SLX4IP: variants seen among roughly 807,000 people sequenced by gnomAD.
SLX4IP encodes SLX4 interacting protein, also known as protein SLX4IP.
SLX4IP carries 34 observed loss-of-function variants against 32.9 expected under a neutral mutation model. The observed-to-expected ratio is 1.03, with a 90% CI of 0.79 to 1.38. SLX4IP has a LOEUF of 1.38. SLX4IP is among the 40% of genes most tolerant of loss of function. The pLI is 0.00. For missense variants in SLX4IP, 444 were observed against 479.0 expected, an observed-to-expected ratio of 0.93 and a Z score of 0.68; for synonymous variants, 172 against 171.7, an observed-to-expected ratio of 1.00 and a Z score of -0.01.
chr20:10,597,172 A>G (rs2066780462), intron 4 of SLX4IP, among the ~76,000 whole-genome samples: 1 of 152,238 alleles, frequency 6.6e-6, no homozygotes, highest in Non-Finnish European at 1.5e-5. Flanking sequence ...TATATAAGTT[A>G]TTTCAGACCA....
intron 5 of SLX4IP, 121 bp downstream of exon 5, chr20:10,598,873 T>G: frequency 1.0e-6 from 1 of 991,914 alleles, no homozygotes; most frequent in East Asian, 2.5e-5. Flanking sequence ...ATGTCTTGAG[T>G]GTGTCCGAAA....
At chr20:10,553,952 T>G (rs2066243270) in intron 2 of SLX4IP, among the ~76,000 whole-genome samples, 1 of 152,208 alleles carries the variant, frequency 6.6e-6, no homozygotes, top group African/African-American at 2.4e-5. Context: ...TTTAAATAAC[T>G]GCCAACAAGT....
chr20:10,468,510 A>G lies in SLX4IP; in HGVS notation c.27+10279A>G, dbSNP rs138601142. Among the ~76,000 whole-genome samples, 688 of 152,246 alleles carry G rather than the reference A, an allele frequency of 4.5e-3. 3 individuals carry two copies. Among genetic ancestry groups the G allele is most frequent in the Non-Finnish European group, 8.0e-3 (543 of 67,998 alleles). On this transcript the variant is annotated intron_variant, in intron 2 of 7. Transcript: ENST00000334534. ...TCCCCTTCCTTTTTAACTTGGACCC[A>G]TGTTTGTTTTCATCTTGGAACTGGG...
intron 2 of SLX4IP, among the ~76,000 whole-genome samples, chr20:10,489,343 C>A (rs866738718): frequency 6.6e-6 from 1 of 152,146 alleles, no homozygotes; most frequent in Admixed American, 6.5e-5. Context: ...AGTTATCTTT[C>A]CCTACAAAAT....
chr20:10,603,620 C>T (rs569783181), intron 6 of SLX4IP, among the ~76,000 whole-genome samples: 1 of 152,272 alleles, frequency 6.6e-6, no homozygotes, highest in East Asian at 1.9e-4. Context: ...TCTTCAGTTG[C>T]TCATTTACTC....
intron 4 of SLX4IP, among the ~76,000 whole-genome samples, chr20:10,579,569 G>T (rs2066560621): frequency 6.6e-6 from 1 of 152,016 alleles, no homozygotes; most frequent in South Asian, 2.1e-4. Flanking sequence ...TGGGATTAAG[G>T]CATCCGCCAC....
At chr20:10,606,308 T>A (rs2066904963) in intron 6 of SLX4IP, among the ~76,000 whole-genome samples, 1 of 152,220 alleles carries the variant, frequency 6.6e-6, no homozygotes, top group Non-Finnish European at 1.5e-5. Context: ...CATTTGACTG[T>A]GCACTGATGT....
intron 1 of SLX4IP, among the ~76,000 whole-genome samples, chr20:10,444,694 C>A (rs1019878757): frequency 1.3e-5 from 2 of 152,030 alleles, no homozygotes; most frequent in African/African-American, 4.8e-5. Flanking sequence ...CTTTCTGCTT[C>A]GAAGATGATA....
At chr20:10,620,984 G>A (rs1014699487) in intron 6 of SLX4IP, among the ~76,000 whole-genome samples, 18 of 152,214 alleles carry the variant, frequency 1.2e-4, no homozygotes, top group African/African-American at 4.3e-4. Flanking sequence ...CCACACAGTA[G>A]GATTCTGGGG....
intron 2 of SLX4IP, among the ~76,000 whole-genome samples, chr20:10,510,018 C>T (rs909544217): frequency 2.0e-5 from 3 of 152,106 alleles, no homozygotes; most frequent in Non-Finnish European, 2.9e-5. Flanking sequence ...GAATATTATG[C>T]AGCTATTAAC....
At chr20:10,591,380 C>T (rs989030765) in intron 4 of SLX4IP, among the ~76,000 whole-genome samples, 6 of 152,188 alleles carry the variant, frequency 3.9e-5, no homozygotes, top group African/African-American at 1.4e-4. Context: ...AACTCTCTTT[C>T]TCATTGCACA....
intron 3 of SLX4IP, among the ~76,000 whole-genome samples, chr20:10,558,422 A>C (rs1490894802): frequency 6.6e-6 from 1 of 151,954 alleles, no homozygotes; most frequent in Non-Finnish European, 1.5e-5. Context: ...AAAGGAGAAA[A>C]GCTAGTTGAA....
Position 10,623,180 on chromosome 20 carries a change from G to C in SLX4IP, c.1028G>C (p.Gly343Ala). ...CCAGCTTCAGAGTTGTCAGATCCAG[G>C]GTTACTTTTGAAACAAGATTTGGCA... ...VLPASELSDP[G>A]LLLKQDLAKT... Residue 343 changes from glycine to alanine, a missense_variant, in exon 8 of 8, where the codon GGG (glycine) becomes GCG (alanine). Physicochemically the swap from Gly to Ala is moderately conservative, Grantham distance 60 (BLOSUM62 0). Coordinates refer to ENST00000334534, the MANE Select transcript of SLX4IP (RefSeq NM_001009608.3). The C allele has an allele frequency of 1.2e-6, 2 of 1,614,134 alleles. No individual in the cohort carries two copies. Among genetic ancestry groups the C allele is most frequent in the Non-Finnish European group, 8.5e-7 (1 of 1,180,034 alleles).
rs550997417 is a variant in SLX4IP, at chr20:10,463,003, T to G, written c.27+4772T>G. Among the ~76,000 whole-genome samples, 12 of 152,318 alleles carry G rather than the reference T, an allele frequency of 7.9e-5. No homozygotes were observed. The East Asian group carries it at 2.1e-3, about 27-fold the overall frequency. ...GGGAGGCTGAGGCAGAAGATTTGCT[T>G]GAGCCCAGGAGTTTGAGTTCAGCCT... On this transcript the variant is annotated intron_variant, in intron 2 of 7. Transcript: ENST00000334534.
At chr20:10,545,554 C>A (rs1188343925) in intron 2 of SLX4IP, among the ~76,000 whole-genome samples, 1 of 152,124 alleles carries the variant, frequency 6.6e-6, no homozygotes, top group Non-Finnish European at 1.5e-5. Flanking sequence ...TAAATGACAG[C>A]TGGATTGAGC....
intron 2 of SLX4IP, among the ~76,000 whole-genome samples, chr20:10,547,847 C>G (rs1163962288): frequency 6.6e-6 from 1 of 152,182 alleles, no homozygotes; most frequent in African/African-American, 2.4e-5. Context: ...AGACCCAGTA[C>G]TAGACATTGA....
intron 2 of SLX4IP, among the ~76,000 whole-genome samples, chr20:10,465,247 T>C (rs1223940571): frequency 1.3e-5 from 2 of 152,140 alleles, no homozygotes; most frequent in Non-Finnish European, 2.9e-5. Context: ...ATAAACTCTT[T>C]AGGGTAGGGA....
intron 4 of SLX4IP, among the ~76,000 whole-genome samples, chr20:10,565,682 T>C (rs987190222): frequency 2.6e-5 from 4 of 152,244 alleles, no homozygotes; most frequent in Non-Finnish European, 4.4e-5. Context: ...CAATTTTGAG[T>C]GGGTGGACAC....
chr20:10,542,945 A>T (rs1210531747), intron 2 of SLX4IP, among the ~76,000 whole-genome samples: 1 of 152,196 alleles, frequency 6.6e-6, no homozygotes, highest in Non-Finnish European at 1.5e-5. Context: ...CAGTGCTGGA[A>T]ATGCAGACCA....
Sources: gnomAD v4.1 joint callset for allele counts (sites outside exome capture counted in the v4.1 genomes callset) on GRCh38, gnomAD v4.1.1 for gene constraint, MANE v1.5 for transcripts, NCBI Gene and HGNC (gene_info 2026-07-23, HGNC 2026-07-21) for gene names.